The following RBL1 variants were observed in gnomAD, a reference collection of about 807,000 sequenced individuals.
The protein encoded by RBL1 is retinoblastoma-like protein 1.
RBL1 carries 82 observed loss-of-function variants against 123.0 expected under a neutral mutation model. That is an observed-to-expected ratio of 0.67 (90% CI 0.56 to 0.80). RBL1 has a LOEUF of 0.80. Ranked by LOEUF, RBL1 falls within the 30% of genes least tolerant of loss-of-function variation. The pLI is 0.00. For missense variants in RBL1, 1,171 were observed against 1,299.6 expected (o/e 0.90, Z 1.52); for synonymous variants, 405 against 441.3 (o/e 0.92, Z 1.03).
chr20:37,084,996 C>A (rs1173677245), intron 2 of RBL1, among the ~76,000 whole-genome samples: 3 of 152,098 alleles, frequency 2.0e-5, no homozygotes, highest in Non-Finnish European at 4.4e-5. Context: ...GAACTCCTGA[C>A]CCCAGGTGAT....
intron 14 of RBL1, among the ~76,000 whole-genome samples, chr20:37,039,731 C>T (rs2064688774): frequency 6.6e-6 from 1 of 151,834 alleles, no homozygotes; most frequent in Non-Finnish European, 1.5e-5. Flanking sequence ...TTGTTTTTTC[C>T]TTTCTTCTTT....
chr20:37,043,171 C>CAT (rs1241291453), intron 13 of RBL1, among the ~76,000 whole-genome samples: 1 of 151,054 alleles, frequency 6.6e-6, no homozygotes, highest in Non-Finnish European at 1.5e-5. Context: ...TGCACACACA[C>CAT]ACACACACAC....
At chr20:37,007,340 T>TAAAATAAC in intron 20 of RBL1, 71 bp downstream of exon 20, 6 of 1,512,704 alleles carry the variant, frequency 4.0e-6, no homozygotes, top group Non-Finnish European at 5.4e-6. Context: ...CATATTTATC[T>TAAAATAAC]AGCAAAATAA....
chr20:37,003,625 G>GAAAAAA, intron 21 of RBL1, 77 bp downstream of exon 21: 1 of 1,150,962 alleles, frequency 8.7e-7, no homozygotes, highest in East Asian at 2.9e-5. Flanking sequence ...GGCCAAAAAA[G>GAAAAAA]AAAAAAAAAA....
chr20:37,049,680 C>T, intron 11 of RBL1: 1 of 745,476 alleles, frequency 1.3e-6, no homozygotes, highest in South Asian at 1.4e-5. Context: ...GTCTGACTTA[C>T]TGCTTCAACA....
chr20:37,014,444 A>G (rs893473373), intron 19 of RBL1, among the ~76,000 whole-genome samples: 1 of 152,042 alleles, frequency 6.6e-6, no homozygotes, highest in Non-Finnish European at 1.5e-5. Context: ...TGCCACCACC[A>G]CTGTACAGGA....
At chr20:37,000,183 C>T (rs1478258928) in intron 21 of RBL1, among the ~76,000 whole-genome samples, 3 of 147,814 alleles carry the variant, frequency 2.0e-5, no homozygotes, top group African/African-American at 5.0e-5. Context: ...TGGCAACCGC[C>T]CCGTCTGAGA....
chr20:37,013,298 T>C (rs1479908582), intron 19 of RBL1, among the ~76,000 whole-genome samples: 2 of 151,732 alleles, frequency 1.3e-5, no homozygotes, highest in Non-Finnish European at 2.9e-5. Flanking sequence ...CCCCCAACCC[T>C]GTGCTCTCTG....
rs2065101670 is a variant in RBL1 at position 37,061,941 on chromosome 20, A to G, written c.1083+143T>C. On this transcript the variant is annotated intron_variant, in intron 8 of 21. Transcript: ENST00000373664. ...AAAATACTAAATGCCAGTTTTAAAA[A>G]TTACCTTTTAAGGCTTTCATGAGAA... 4.2e-6 allele frequency: 4 copies of G among 950,618 alleles called. No homozygotes were observed. In the East Asian group the frequency reaches 1.1e-4, roughly 26 times the overall value. The allele number at this position is 950,618 out of a possible 1,614,324, so 58.9% of individuals were successfully genotyped here. A position where few individuals can be genotyped will look rare whatever the true frequency, so the allele number is the denominator to read the frequency against.
intron 19 of RBL1, among the ~76,000 whole-genome samples, chr20:37,010,760 A>G (rs6030723): frequency 9.8e-4 from 140 of 143,070 alleles, no homozygotes; most frequent in African/African-American, 2.9e-3. Flanking sequence ...GCACATGACT[A>G]TGTGTGTGTG....
intron 16 of RBL1, among the ~76,000 whole-genome samples, chr20:37,029,647 C>T (rs1464093663): frequency 6.6e-6 from 1 of 152,146 alleles, no homozygotes. Context: ...GTAAAATTAT[C>T]TTTGTTCACA....
rs1025719330 is a variant in RBL1 at position 37,035,090 on chromosome 20, ACT to A, written c.2170+150_2170+151del. ...CTCTGAATTTTGCTGTGAATCTACA[ACT>A]GCTCTAAAAAATTCAAATCTATTTA... On this transcript the variant is annotated intron_variant, in intron 15 of 21. Coordinates refer to ENST00000373664, the MANE Select transcript of RBL1 (RefSeq NM_002895.5). The A allele has an allele frequency of 6.7e-6, 5 of 748,290 alleles. No individual in the cohort carries two copies. In the African/African-American group the frequency reaches 7.1e-5, roughly 11 times the overall value. 46.4% of individuals were successfully genotyped at this position (748,290 alleles called of 1,614,324 possible).
At chr20:37,027,119 G>A (rs1027147034) in intron 16 of RBL1, among the ~76,000 whole-genome samples, 4 of 152,050 alleles carry the variant, frequency 2.6e-5, no homozygotes, top group African/African-American at 9.7e-5. Context: ...GCTGAGGTGG[G>A]AGGATCGCTT....
chr20:37,092,704 C>T (rs2065668236), intron 1 of RBL1, among the ~76,000 whole-genome samples: 1 of 152,042 alleles, frequency 6.6e-6, no homozygotes, highest in East Asian at 1.9e-4. Context: ...GTTGCCCAGG[C>T]TGGTCTTGAA....
At chr20:37,013,452 G>A (rs914187870) in intron 19 of RBL1, among the ~76,000 whole-genome samples, 2 of 151,586 alleles carry the variant, frequency 1.3e-5, no homozygotes, top group Non-Finnish European at 2.9e-5. Flanking sequence ...CAAACACTGC[G>A]GAAGGCCGCA....
chr20:37,068,114 A>AT lies in RBL1; in HGVS notation c.362_363insA (p.Ile122TyrfsTer9). 6.2e-7 allele frequency: 1 copy of AT among 1,613,188 alleles called. No homozygotes were observed. Among genetic ancestry groups the AT allele is most frequent in the Non-Finnish European group, 8.5e-7 (1 of 1,179,754 alleles). Reference sequence around the variant, plus strand: ...CAAAATTTCTCTCTAGCCTTTCTATACGTTCACGAAATTCTTGTGGTAGAT... The same window carrying AT: ...CAAAATTTCTCTCTAGCCTTTCTATATCGTTCACGAAATTCTTGTGGTAGAT... On this transcript the variant is annotated frameshift_variant, in exon 3 of 22. Transcript: ENST00000373664. LOFTEE classifies it high-confidence loss of function.
At chr20:37,046,821 C>G (rs2064825429) in intron 12 of RBL1, among the ~76,000 whole-genome samples, 1 of 151,892 alleles carries the variant, frequency 6.6e-6, no homozygotes, top group South Asian at 2.1e-4. Context: ...CCATTTTGGC[C>G]AGGCTGGTCT....
intron 15 of RBL1, 91 bp downstream of exon 15, chr20:37,035,151 G>T: frequency 1.6e-6 from 2 of 1,223,692 alleles, no homozygotes; most frequent in Non-Finnish European, 2.2e-6. Flanking sequence ...AAAAAATAAT[G>T]AGTTAGAAAA....
chr20:37,071,320 T>C (rs958599566), intron 2 of RBL1, among the ~76,000 whole-genome samples: 1 of 152,198 alleles, frequency 6.6e-6, no homozygotes, highest in Non-Finnish European at 1.5e-5. Context: ...AGCTATTTAA[T>C]GTGGTTTGGA....
Sources: gnomAD v4.1 joint callset for allele counts (sites outside exome capture counted in the v4.1 genomes callset) on GRCh38, gnomAD v4.1.1 for gene constraint, MANE v1.5 for transcripts, NCBI Gene and HGNC (gene_info 2026-07-23, HGNC 2026-07-21) for gene names.